Variants in RBM47 observed in about 807,000 individuals in gnomAD.
RBM47 encodes RNA-binding protein 47.
Under a neutral mutation model 47.1 loss-of-function variants are expected in RBM47, and 21 were observed. The observed-to-expected ratio is 0.45, with a 90% CI of 0.32 to 0.64. RBM47 has a LOEUF of 0.64. Ranked by LOEUF, RBM47 falls within the 30% of genes least tolerant of loss-of-function variation. The probability of loss-of-function intolerance (pLI) is 0.05; values close to 1 mark genes in which losing one functional copy is unlikely to be tolerated. For missense variants in RBM47, 708 were observed against 870.9 expected, an observed-to-expected ratio of 0.81 and a Z score of 2.35; for synonymous variants, 375 against 361.7, an observed-to-expected ratio of 1.04 and a Z score of -0.42.
intron 6 of RBM47, among the ~76,000 whole-genome samples, chr4:40,428,001 G>C (rs1194615115): frequency 2.0e-5 from 3 of 152,226 alleles, no homozygotes; most frequent in African/African-American, 7.2e-5. Context: ...GACCAGCCTG[G>C]GCAACATGGC....
intron 1 of RBM47, among the ~76,000 whole-genome samples, chr4:40,617,539 C>T (rs1255911611): frequency 6.6e-6 from 1 of 151,896 alleles, no homozygotes; most frequent in Non-Finnish European, 1.5e-5. Flanking sequence ...AGCCTGGTGA[C>T]AGAGTGAGAC....
intron 1 of RBM47, among the ~76,000 whole-genome samples, chr4:40,592,979 ATTTTTTTTTTTTTTTTTTTT>A (rs869035345): frequency 7.0e-5 from 1 of 14,202 alleles, no homozygotes; most frequent in Non-Finnish European, 1.1e-4. Flanking sequence ...ATATATATAT[ATTTTTTTTTTTTTTTTTTTT>A]TTTTTTTTTT....
At chr4:40,582,876 A>G (rs1162071907) in intron 1 of RBM47, among the ~76,000 whole-genome samples, 2 of 152,182 alleles carry the variant, frequency 1.3e-5, no homozygotes, top group African/African-American at 4.8e-5. Flanking sequence ...ACCCTTGCCC[A>G]TGCTGTACTC....
At chr4:40,553,383 A>C (rs1577945438) in intron 1 of RBM47, among the ~76,000 whole-genome samples, 1 of 150,122 alleles carries the variant, frequency 6.7e-6, no homozygotes, top group Admixed American at 6.6e-5. Flanking sequence ...CTCCAACCTC[A>C]GCCTCCCAGG....
chr4:40,442,685 TG>T (rs1451415764), intron 3 of RBM47, among the ~76,000 whole-genome samples: 1 of 152,126 alleles, frequency 6.6e-6, no homozygotes, highest in Non-Finnish European at 1.5e-5. Context: ...TTTTTTCTTT[TG>T]CTTTTTTTTT....
chr4:40,573,133 A>C (rs2154269154), intron 1 of RBM47, among the ~76,000 whole-genome samples: 1 of 146,244 alleles, frequency 6.8e-6, no homozygotes, highest in South Asian at 2.2e-4. Context: ...AGACTAGGTG[A>C]CAGAGCAAGA....
chr4:40,523,612 T>C (rs1003717769), intron 2 of RBM47, among the ~76,000 whole-genome samples: 11 of 151,590 alleles, frequency 7.3e-5, no homozygotes, highest in African/African-American at 2.7e-4. Context: ...GATCACGCCA[T>C]TGCACTCCAG....
chr4:40,536,358 G>A (rs537917370), intron 2 of RBM47, among the ~76,000 whole-genome samples: 3 of 152,296 alleles, frequency 2.0e-5, no homozygotes, highest in African/African-American at 7.2e-5. Flanking sequence ...CTTGTTCTTG[G>A]AAACTACAGG....
intron 1 of RBM47, among the ~76,000 whole-genome samples, chr4:40,584,874 T>A (rs1333115613): frequency 6.6e-6 from 1 of 151,912 alleles, no homozygotes; most frequent in Non-Finnish European, 1.5e-5. Flanking sequence ...TGTGTGTTTG[T>A]TTGTTTGTTT....
At chr4:40,513,748 C>G (rs946337968) in intron 2 of RBM47, among the ~76,000 whole-genome samples, 1 of 150,722 alleles carries the variant, frequency 6.6e-6, no homozygotes. Flanking sequence ...GACGGAGTTT[C>G]GCTCTTGTCA....
chr4:40,545,548 C>T lies in RBM47; in HGVS notation c.-239-1042G>A, dbSNP rs184484584. Among the ~76,000 whole-genome samples the T allele has an allele frequency of 3.3e-4, 49 of 148,518 alleles. 1 individual carries two copies. The highest frequency in any genetic ancestry group is 1.2e-3 in the African/African-American group (48 of 41,246). The stretch of plus-strand genomic sequence containing the variant: ...GCGTGGTGGTGGGCACCTGTAGTCC[C>T]AGCTACTCAGGAGGCTGACACAGGA... On this transcript the variant is annotated intron_variant, in intron 1 of 6. Transcript: ENST00000295971.
At chr4:40,512,287 T>G (rs1044576026) in intron 2 of RBM47, among the ~76,000 whole-genome samples, 13 of 149,318 alleles carry the variant, frequency 8.7e-5, no homozygotes, top group African/African-American at 1.2e-4. Context: ...CCGGGCATGA[T>G]GGTGGGCGCC....
At chr4:40,549,239 G>A (rs1406458197) in intron 1 of RBM47, among the ~76,000 whole-genome samples, 4 of 151,576 alleles carry the variant, frequency 2.6e-5, no homozygotes, top group Admixed American at 2.0e-4. Context: ...CTACAGGCAC[G>A]CACCACCGTG....
chr4:40,490,007 C>T (rs770287332), intron 2 of RBM47, among the ~76,000 whole-genome samples: 1 of 152,174 alleles, frequency 6.6e-6, no homozygotes, highest in South Asian at 2.1e-4. Context: ...GTGCAATACA[C>T]CATATCAACA....
intron 1 of RBM47, among the ~76,000 whole-genome samples, chr4:40,602,352 C>T (rs1194060802): frequency 6.6e-6 from 1 of 151,492 alleles, no homozygotes; most frequent in Non-Finnish European, 1.5e-5. Flanking sequence ...CTTTTAGAGC[C>T]AAAACGTAGA....
At chr4:40,511,981 T>A (rs143843969) in intron 2 of RBM47, among the ~76,000 whole-genome samples, 9 of 151,302 alleles carry the variant, frequency 5.9e-5, no homozygotes, top group African/African-American at 1.7e-4. Context: ...ACAAAAAGAT[T>A]GTACCGAATA....
chr4:40,611,907 A>G (rs1163668412), intron 1 of RBM47, among the ~76,000 whole-genome samples: 1 of 152,200 alleles, frequency 6.6e-6, no homozygotes, highest in Non-Finnish European at 1.5e-5. Flanking sequence ...ATGTATCTCC[A>G]ATAAGATACA....
chr4:40,503,433 C>T (rs181282074), intron 2 of RBM47, among the ~76,000 whole-genome samples: 12 of 152,224 alleles, frequency 7.9e-5, no homozygotes, highest in Non-Finnish European at 1.8e-4. Context: ...CCAGCAATGC[C>T]AGTCCTGGAC....
At chr4:40,609,085 C>CG (rs1179485736) in intron 1 of RBM47, among the ~76,000 whole-genome samples, 1 of 152,066 alleles carries the variant, frequency 6.6e-6, no homozygotes, top group Non-Finnish European at 1.5e-5. Context: ...CTCCGCCTAC[C>CG]GGGTTCAAGT....
Sources: gnomAD v4.1 joint callset for allele counts (sites outside exome capture counted in the v4.1 genomes callset) on GRCh38, gnomAD v4.1.1 for gene constraint, MANE v1.5 for transcripts, NCBI Gene and HGNC (gene_info 2026-07-23, HGNC 2026-07-21) for gene names.